The following IL19 variants were observed in gnomAD, a reference collection of about 807,000 sequenced individuals.
IL19 encodes interleukin 19, also known as interleukin-19.
A neutral mutation model predicts 19.5 loss-of-function variants in IL19; 15 were observed. The ratio of observed to expected loss-of-function variants is 0.77; its 90% CI spans 0.52 to 1.19. The LOEUF (loss-of-function observed/expected upper bound fraction) is 1.19, where lower values mean the gene tolerates loss of function less well. Ranked by LOEUF, IL19 falls within the 50% of genes most tolerant of loss-of-function variation. The pLI is 0.00. For synonymous variants in IL19, 78 were observed against 78.3 expected (o/e 1.00, Z 0.02); for missense variants, 199 against 213.1 (o/e 0.93, Z 0.41).
In IL19 at chr1:206,824,329, C is replaced by T. The variant is rs145883903; in HGVS notation, c.-2-12332C>T. 7.3e-3 allele frequency among the ~76,000 whole-genome samples: 1,118 copies of T among 152,302 alleles called. 4 individuals are homozygous for T. Among genetic ancestry groups the T allele is most frequent in the Non-Finnish European group, 9.6e-3 (653 of 68,022 alleles). ...TGATATGGAAGATCTTCCCTGTTGA[C>T]ATGGAATTCCGAGTGTGAAGTAATG... is the stretch of plus-strand genomic sequence containing the variant. On this transcript the variant is annotated intron_variant, in intron 2 of 6. Coordinates refer to ENST00000659997, the MANE Select transcript of IL19 (RefSeq NM_153758.5).
intron 2 of IL19, among the ~76,000 whole-genome samples, chr1:206,830,023 T>C (rs1676548407): frequency 6.6e-6 from 1 of 152,204 alleles, no homozygotes; most frequent in Admixed American, 6.5e-5. Flanking sequence ...CAGAACAGCA[T>C]GGCTTGGGAG....
chr1:206,810,020 T>A (rs10863860), intron 2 of IL19, among the ~76,000 whole-genome samples: 29 of 152,196 alleles, frequency 1.9e-4, no homozygotes, highest in African/African-American at 7.0e-4. Context: ...TATTGCCACT[T>A]GCCTCACCAT....
Position 206,820,803 on chromosome 1 carries a change from G to T in IL19, c.-2-15858G>T, listed in dbSNP as rs150451883. Among the ~76,000 whole-genome samples the T allele has an allele frequency of 1.2e-3, 187 of 152,210 alleles. 2 individuals are homozygous for T. In the Middle Eastern group the frequency reaches 0.027, roughly 22 times the overall value. ...TCAGCTTTTCTCATGGCTTCCTGCC[G>T]CCTCCTCCCCACCCCGCTTTCAAAC... On this transcript the variant is annotated intron_variant, in intron 2 of 6. Transcript: ENST00000659997.
intron 2 of IL19, among the ~76,000 whole-genome samples, chr1:206,826,853 G>A (rs1558619620): frequency 6.6e-6 from 1 of 152,186 alleles, no homozygotes; most frequent in African/African-American, 2.4e-5. Flanking sequence ...TCTATAGGGA[G>A]GAAGTTTGAA....
At position 206,840,029 on chromosome 1, in the gene IL19, A is replaced by G. The variant is rs1386506368; in HGVS notation, c.363+27A>G. 2.5e-6 allele frequency: 4 copies of G among 1,613,820 alleles called. No homozygotes were observed. The African/African-American group carries it at 4.0e-5, about 16-fold the overall frequency. On this transcript the variant is annotated intron_variant, in intron 5 of 6. Transcript: ENST00000659997. ...TGAGTCACTGGGTCAGAATTCCAGC[A>G]TCTGCTCCCTGTCTGCCCAAGGAGA...
chr1:206,822,676 T>G (rs1426789607), intron 2 of IL19, among the ~76,000 whole-genome samples: 1 of 152,256 alleles, frequency 6.6e-6, no homozygotes, highest in Non-Finnish European at 1.5e-5. Flanking sequence ...AGGTCTTGAC[T>G]GGTAAGAGTG....
At chr1:206,821,005 C>T (rs553288721) in intron 2 of IL19, among the ~76,000 whole-genome samples, 1 of 152,348 alleles carries the variant, frequency 6.6e-6, no homozygotes, top group South Asian at 2.1e-4. Context: ...GTTTGCATTA[C>T]TGTCTCTCTA....
At chr1:206,823,423 C>T (rs1291835713) in intron 2 of IL19, among the ~76,000 whole-genome samples, 1 of 151,842 alleles carries the variant, frequency 6.6e-6, no homozygotes, top group African/African-American at 2.4e-5. Flanking sequence ...GGCGTGGTGG[C>T]GTGCGCCTGC....
chr1:206,796,692 C>A (rs376902646), intron 1 of IL19, among the ~76,000 whole-genome samples: 3 of 152,162 alleles, frequency 2.0e-5, no homozygotes, highest in Non-Finnish European at 4.4e-5. Flanking sequence ...AGCCTAGGAG[C>A]AATAGGCCTT....
chr1:206,810,715 G>A (rs931188340), intron 2 of IL19, among the ~76,000 whole-genome samples: 14 of 152,168 alleles, frequency 9.2e-5, no homozygotes, highest in Non-Finnish European at 2.9e-5. Flanking sequence ...ACATAGTTTG[G>A]ATGCCTGTCC....
At chr1:206,822,614 G>T (rs762247008) in intron 2 of IL19, among the ~76,000 whole-genome samples, 8 of 152,182 alleles carry the variant, frequency 5.3e-5, no homozygotes, top group Non-Finnish European at 1.2e-4. Context: ...CTTCTCACAA[G>T]GTTGTAAGGA....
At position 206,822,828 on chromosome 1, in the gene IL19, G is replaced by A. The variant is rs538749606; in HGVS notation, c.-2-13833G>A. Among the ~76,000 whole-genome samples, 3 of 152,192 alleles carry A rather than the reference G, an allele frequency of 2.0e-5. No homozygotes were observed. In the South Asian group the frequency reaches 6.2e-4, roughly 32 times the overall value. On this transcript the variant is annotated intron_variant, in intron 2 of 6. Coordinates refer to ENST00000659997, the MANE Select transcript of IL19 (RefSeq NM_153758.5). ...GGGCCTGGCTTGTTGTAGGGTCCCA[G>A]CTGAATGAATGTGTAAGTGACCAGG...
rs117786066 is a variant in IL19, at chr1:206,799,391, G to A, written c.-3+385G>A. Among the ~76,000 whole-genome samples the A allele has an allele frequency of 5.9e-5, 9 of 152,314 alleles. No individual in the cohort carries two copies. The East Asian group carries it at 1.7e-3, about 29-fold the overall frequency. ...CTGCAGCAAAAAGGGGGAATTTACT[G>A]TAAGGAGCCTGGGGTGTCTCAGAAT... On this transcript the variant is annotated intron_variant, in intron 2 of 6. Transcript: ENST00000659997.
intron 1 of IL19, among the ~76,000 whole-genome samples, chr1:206,771,786 A>G (rs570186303): frequency 1.3e-5 from 2 of 152,316 alleles, no homozygotes; most frequent in South Asian, 2.1e-4. Flanking sequence ...TCCCCACTGT[A>G]GACATCCAGT....
chr1:206,786,373 C>T (rs1203590736), intron 1 of IL19, among the ~76,000 whole-genome samples: 2 of 152,166 alleles, frequency 1.3e-5, no homozygotes, highest in Non-Finnish European at 2.9e-5. Flanking sequence ...TCTTTCTCTT[C>T]TGGGCTTCCT....
chr1:206,834,383 G>A (rs535978618), intron 2 of IL19: 41 of 985,602 alleles, frequency 4.2e-5, no homozygotes, highest in African/African-American at 1.4e-4. Flanking sequence ...GGAGCAGCCC[G>A]CAAGCACCAA....
intron 5 of IL19, chr1:206,840,251 A>G (rs1157583614): frequency 3.1e-6 from 2 of 649,530 alleles, no homozygotes; most frequent in African/African-American, 1.8e-5. Flanking sequence ...ACTTATGTCA[A>G]CATATTCCTT....
At chr1:206,836,843 G>T (rs372418221) in intron 3 of IL19, 37 bp downstream of exon 3, 4 of 1,610,796 alleles carry the variant, frequency 2.5e-6, no homozygotes, top group Non-Finnish European at 3.4e-6. Context: ...GGATGACGGA[G>T]TATCCCTCCC....
chr1:206,820,077 T>C (rs1331690679), intron 2 of IL19, among the ~76,000 whole-genome samples: 19 of 152,208 alleles, frequency 1.2e-4, no homozygotes, highest in Admixed American at 1.2e-3. Flanking sequence ...TTTTGTCTTG[T>C]TGGATTAAGC....
Sources: allele counts gnomAD v4.1 joint callset (sites outside exome capture counted in the v4.1 genomes callset), GRCh38; gene constraint gnomAD v4.1.1; transcripts MANE v1.5; gene names NCBI Gene and HGNC (gene_info 2026-07-23, HGNC 2026-07-21).